The following MKX variants were observed in gnomAD, a reference collection of about 807,000 sequenced individuals.
The protein encoded by MKX is mohawk homeobox, also known as homeobox protein Mohawk.
Under a neutral mutation model 36.0 loss-of-function variants are expected in MKX, and 13 were observed. The ratio of observed to expected loss-of-function variants is 0.36; its 90% CI spans 0.24 to 0.57. The LOEUF (loss-of-function observed/expected upper bound fraction) is 0.57, where lower values mean the gene tolerates loss of function less well. Among genes scored for constraint, MKX ranks in the 20% least tolerant of loss-of-function variants. The pLI is 0.79. For synonymous variants in MKX, 176 were observed against 178.3 expected (o/e 0.99, Z 0.10); for missense variants, 458 against 456.4 (o/e 1.00, Z -0.03).
intron 5 of MKX, among the ~76,000 whole-genome samples, chr10:27,725,043 G>A (rs952037799): frequency 6.6e-6 from 1 of 152,104 alleles, no homozygotes; most frequent in Non-Finnish European, 1.5e-5. Flanking sequence ...TTAAGTAAAA[G>A]TCATTTAAGT....
At chr10:27,740,505 C>A (rs1038810585) in intron 3 of MKX, among the ~76,000 whole-genome samples, 162 of 152,320 alleles carry the variant, frequency 1.1e-3, no homozygotes, top group African/African-American at 3.6e-3. Context: ...TGCCCCAAGT[C>A]TTGATTATGT....
intron 5 of MKX, among the ~76,000 whole-genome samples, chr10:27,692,263 T>C (rs1277948235): frequency 6.6e-6 from 1 of 152,232 alleles, no homozygotes; most frequent in Non-Finnish European, 1.5e-5. Context: ...AAATTCTTTT[T>C]GTCAGGTGAG....
intron 5 of MKX, among the ~76,000 whole-genome samples, chr10:27,692,597 C>T (rs888453571): frequency 2.0e-5 from 3 of 152,144 alleles, no homozygotes; most frequent in Admixed American, 2.0e-4. Flanking sequence ...CTTAATCTTT[C>T]CTTTGGGAAA....
intron 5 of MKX, among the ~76,000 whole-genome samples, chr10:27,698,887 A>G (rs1468965102): frequency 6.6e-6 from 1 of 152,228 alleles, no homozygotes; most frequent in East Asian, 1.9e-4. Context: ...AATCAATAAG[A>G]GTTTTATATA....
At chr10:27,731,332 T>C (rs1216358029) in intron 5 of MKX, among the ~76,000 whole-genome samples, 1 of 152,172 alleles carries the variant, frequency 6.6e-6, no homozygotes, top group African/African-American at 2.4e-5. Context: ...CCAGATGGAA[T>C]TGAAAGAATT....
intron 5 of MKX, among the ~76,000 whole-genome samples, chr10:27,708,491 G>A (rs539332672): frequency 1.3e-5 from 2 of 152,248 alleles, no homozygotes; most frequent in African/African-American, 4.8e-5. Context: ...CAGCACTTTG[G>A]GAGGCCGAGG....
At chr10:27,691,419 C>A (rs968218220) in intron 5 of MKX, among the ~76,000 whole-genome samples, 1 of 152,054 alleles carries the variant, frequency 6.6e-6, no homozygotes, top group Non-Finnish European at 1.5e-5. Flanking sequence ...GTGTTCACTA[C>A]GGTATAGCAG....
intron 1 of MKX, chr10:27,745,462 A>G (rs1835033662): frequency 6.6e-6 from 1 of 152,614 alleles, no homozygotes; most frequent in African/African-American, 2.4e-5. Context: ...CACTCCCTGC[A>G]GAAGTGTCCC....
intron 3 of MKX, 81 bp from the exon 4 acceptor site, chr10:27,735,455 C>A (rs1021097624): frequency 1.8e-6 from 2 of 1,105,468 alleles, no homozygotes; most frequent in African/African-American, 1.6e-5. Flanking sequence ...AGGAGCTAAG[C>A]CTCTCTCAGC....
chr10:27,731,575 C>G (rs950584722), intron 5 of MKX, among the ~76,000 whole-genome samples: 2 of 152,074 alleles, frequency 1.3e-5, no homozygotes, highest in African/African-American at 2.4e-5. Context: ...ATCATTTAGT[C>G]TGCCCTTTTT....
chr10:27,685,729 C>A (rs1448911000), intron 5 of MKX, among the ~76,000 whole-genome samples: 1 of 152,184 alleles, frequency 6.6e-6, no homozygotes, highest in East Asian at 1.9e-4. Context: ...GGATTACAGG[C>A]GTCAGCCACC....
chr10:27,727,296 G>A (rs1834512840), intron 5 of MKX, among the ~76,000 whole-genome samples: 1 of 152,186 alleles, frequency 6.6e-6, no homozygotes, highest in Non-Finnish European at 1.5e-5. Context: ...GCTCTCACGT[G>A]ATACCAAATA....
At chr10:27,687,971 G>A (rs1836388423) in intron 5 of MKX, among the ~76,000 whole-genome samples, 1 of 152,214 alleles carries the variant, frequency 6.6e-6, no homozygotes, top group Non-Finnish European at 1.5e-5. Context: ...TCTAGACCTA[G>A]ACAGCATGAG....
In MKX at chr10:27,741,720, G is replaced by T. The variant is rs1485340138; in HGVS notation, c.189-216C>A. 6.6e-6 allele frequency among the ~76,000 whole-genome samples: 1 copy of T among 152,224 alleles called. No homozygotes were observed. The highest frequency in any genetic ancestry group is 2.1e-4 in the South Asian group (1 of 4,834). ...ATTTCGATAGGTTTATCTTGAATAG[G>T]GGGATACCTTGAACCCAATACCCCA... On this transcript the variant is annotated intron_variant, in intron 2 of 6. Coordinates refer to ENST00000419761, the MANE Select transcript of MKX (RefSeq NM_173576.3). This position sits in a 1 kb window ranked among gnomAD's most constrained non-coding sequence, Gnocchi z 5.1.
At chr10:27,687,399 TTAA>T (rs1288090280) in intron 5 of MKX, among the ~76,000 whole-genome samples, 1 of 152,202 alleles carries the variant, frequency 6.6e-6, no homozygotes, top group Non-Finnish European at 1.5e-5. Context: ...TATAATTCCA[TTAA>T]TAACAACAAT....
At chr10:27,679,724 C>T (rs912324840) in intron 5 of MKX, among the ~76,000 whole-genome samples, 2 of 152,006 alleles carry the variant, frequency 1.3e-5, no homozygotes, top group African/African-American at 4.8e-5. Context: ...GGAGAAATGT[C>T]GCAGCTTTTA....
Position 27,701,507 on chromosome 10 carries a change from G to T in MKX, c.839-25953C>A, listed in dbSNP as rs776695551. On this transcript the variant is annotated intron_variant, in intron 5 of 6. Coordinates refer to ENST00000419761, the MANE Select transcript of MKX (RefSeq NM_173576.3). ...TAAATATATAATATAATATATAAAA[G>T]ATATATTATATTTAATATCTTTGTA... Among the ~76,000 whole-genome samples the T allele has an allele frequency of 1.1e-3, 154 of 142,802 alleles. 1 individual carries two copies. The Middle Eastern group carries it at 0.02, about 19-fold the overall frequency. 93.7% of individuals were successfully genotyped at this position (142,802 alleles called of 152,430 possible).
chr10:27,716,547 CTGAA>C (rs1383067665), intron 5 of MKX, among the ~76,000 whole-genome samples: 1 of 151,548 alleles, frequency 6.6e-6, no homozygotes, highest in Non-Finnish European at 1.5e-5. Context: ...GCAAGATTGA[CTGAA>C]TGGATAAAGA....
chr10:27,722,324 G>A (rs1167041448), intron 5 of MKX, among the ~76,000 whole-genome samples: 2 of 152,118 alleles, frequency 1.3e-5, no homozygotes, highest in Non-Finnish European at 2.9e-5. Context: ...CCTGTCTTGT[G>A]GCTCAGAGCC....
Sources: allele counts gnomAD v4.1 joint callset (sites outside exome capture counted in the v4.1 genomes callset), GRCh38; gene constraint gnomAD v4.1.1; non-coding constraint Gnocchi (gnomAD v3.1); transcripts MANE v1.5; gene names NCBI Gene and HGNC (gene_info 2026-07-23, HGNC 2026-07-21).